Variants in EEIG2 observed in about 807,000 individuals in gnomAD.
EEIG2 encodes EEIG family member 2.
chr1:108,560,104 G>C, the EEIG2 span: 7 of 175,830 alleles, frequency 4.0e-5, no homozygotes, highest in Admixed American at 4.5e-4. Context: ...ACTCCCAGAC[G>C]GGCGGCAGCG....
chr1:108,596,427 C>T, the EEIG2 span, among the ~76,000 whole-genome samples: 9 of 152,182 alleles, frequency 5.9e-5, 1 homozygote, highest in South Asian at 1.9e-3. Context: ...AGCTTCCCTC[C>T]CTTCCTGCCC....
chr1:108,612,232 C>T, the EEIG2 span: 10 of 1,613,526 alleles, frequency 6.2e-6, no homozygotes, highest in East Asian at 2.2e-5. Context: ...AAATACCACT[C>T]GCCGCTGTTT....
At chr1:108,565,743 C>G in the EEIG2 span, among the ~76,000 whole-genome samples, 1 of 152,146 alleles carries the variant, frequency 6.6e-6, no homozygotes, top group East Asian at 1.9e-4. Context: ...ACCTTTTACT[C>G]TAAACAAGCG....
the EEIG2 span, among the ~76,000 whole-genome samples, chr1:108,617,621 A>G: frequency 1.3e-5 from 2 of 152,196 alleles, no homozygotes; most frequent in Non-Finnish European, 2.9e-5. Flanking sequence ...AATTAAAGCC[A>G]TGAGACTTGA....
chr1:108,586,890 A>G, the EEIG2 span, among the ~76,000 whole-genome samples: 1 of 152,186 alleles, frequency 6.6e-6, no homozygotes, highest in Non-Finnish European at 1.5e-5. Flanking sequence ...CTTTTTGTTC[A>G]AAAGTAAAGT....
chr1:108,570,408 G>C, the EEIG2 span, among the ~76,000 whole-genome samples: 17 of 152,266 alleles, frequency 1.1e-4, no homozygotes, highest in South Asian at 3.3e-3. Context: ...AGCAGGGAGT[G>C]ATATGCAAAG....
At chr1:108,574,025 A>G in the EEIG2 span, among the ~76,000 whole-genome samples, 2 of 152,244 alleles carry the variant, frequency 1.3e-5, no homozygotes, top group Non-Finnish European at 2.9e-5. Flanking sequence ...ATGTATACCC[A>G]AAGAATTAAA....
the EEIG2 span, among the ~76,000 whole-genome samples, chr1:108,571,363 C>G: frequency 6.6e-6 from 1 of 151,964 alleles, no homozygotes. Flanking sequence ...AGCCAGGTTT[C>G]GGTTAGACAA....
At chr1:108,623,527 T>C in the EEIG2 span, among the ~76,000 whole-genome samples, 2 of 152,018 alleles carry the variant, frequency 1.3e-5, no homozygotes, top group East Asian at 1.9e-4. Context: ...AAGAGTATAA[T>C]TGGACTGTTT....
At chr1:108,627,821 G>T in the EEIG2 span, 1 of 204,822 alleles carries the variant, frequency 4.9e-6, no homozygotes. Context: ...AGTCATTTTT[G>T]TTAGAGAAAT....
the EEIG2 span, chr1:108,635,076 A>C: frequency 6.2e-7 from 1 of 1,613,802 alleles, no homozygotes. Flanking sequence ...TGCAGCTCAA[A>C]ATTTTGAAGT....
At chr1:108,564,565 A>G in the EEIG2 span, among the ~76,000 whole-genome samples, 1 of 152,138 alleles carries the variant, frequency 6.6e-6, no homozygotes, top group Non-Finnish European at 1.5e-5. Context: ...GATTTCTTAG[A>G]TGTTGTCTAT....
At chr1:108,592,404 C>T in the EEIG2 span, among the ~76,000 whole-genome samples, 21 of 152,340 alleles carry the variant, frequency 1.4e-4, no homozygotes, top group Admixed American at 6.5e-4. Flanking sequence ...TTTGTTTGCA[C>T]ATCATGAGGT....
chr1:108,628,360 A>G, the EEIG2 span: 3 of 1,612,006 alleles, frequency 1.9e-6, no homozygotes, highest in African/African-American at 4.0e-5. Flanking sequence ...AGTGTTTGAT[A>G]TGAGTATTAT....
At chr1:108,577,799 T>C in the EEIG2 span, among the ~76,000 whole-genome samples, 1 of 145,480 alleles carries the variant, frequency 6.9e-6, no homozygotes, top group Non-Finnish European at 1.5e-5. Flanking sequence ...TTTGGTTCCA[T>C]ATGAACTTTA....
At chr1:108,595,419 G>T in the EEIG2 span, among the ~76,000 whole-genome samples, 1 of 142,432 alleles carries the variant, frequency 7.0e-6, no homozygotes, top group Non-Finnish European at 1.5e-5. Flanking sequence ...TTTACAGAGG[G>T]AGAGAGGAGG....
chr1:108,596,038 A>G, the EEIG2 span, among the ~76,000 whole-genome samples: 1 of 152,154 alleles, frequency 6.6e-6, no homozygotes, highest in African/African-American at 2.4e-5. Flanking sequence ...GCACAGCATT[A>G]TAAATACAGA....
At chr1:108,579,760 T>TGAGA in the EEIG2 span, among the ~76,000 whole-genome samples, 2 of 33,618 alleles carry the variant, frequency 5.9e-5, no homozygotes, top group Non-Finnish European at 7.8e-5. Context: ...TGTGTGTGTG[T>TGAGA]GTGTGTGTGT....
the EEIG2 span, chr1:108,628,429 C>T: frequency 6.2e-7 from 1 of 1,614,018 alleles, no homozygotes; most frequent in South Asian, 1.1e-5. Context: ...CATCTAGTTT[C>T]TCTGAGCTCT....
Sources: gnomAD v4.1 joint callset for allele counts (sites outside exome capture counted in the v4.1 genomes callset) on GRCh38, gnomAD v4.1.1 for gene constraint, MANE v1.5 for transcripts, NCBI Gene and HGNC (gene_info 2026-07-23, HGNC 2026-07-21) for gene names.